The following BTD variants were observed in gnomAD, a reference collection of about 807,000 sequenced individuals.
BTD encodes biocytinase.
Under a neutral mutation model 17.7 loss-of-function variants are expected in BTD, and 13 were observed. That is an observed-to-expected ratio of 0.74 (90% CI 0.48 to 1.17). The LOEUF (loss-of-function observed/expected upper bound fraction) is 1.17. Ranked by LOEUF, BTD falls within the 50% of genes most tolerant of loss-of-function variation. The pLI, the probability that BTD is intolerant of heterozygous loss-of-function variation, is 0.00. For synonymous variants in BTD, 240 were observed against 245.2 expected, an observed-to-expected ratio of 0.98 and a Z score of 0.20; for missense variants, 674 against 650.4, an observed-to-expected ratio of 1.04 and a Z score of -0.39.
intron 3 of BTD, among the ~76,000 whole-genome samples, chr3:15,702,627 C>T (rs984320213): frequency 2.6e-5 from 4 of 152,186 alleles, no homozygotes; most frequent in Admixed American, 2.0e-4. Context: ...TACTCTTACC[C>T]TACCACTCAT....
intron 3 of BTD, among the ~76,000 whole-genome samples, chr3:15,674,196 A>AAAAAAAAAAAAAAAAAAAAAC (rs1470515364): frequency 7.7e-6 from 1 of 130,082 alleles, no homozygotes; most frequent in African/African-American, 3.3e-5. Context: ...AAAAAAAAAA[A>AAAAAAAAAAAAAAAAAAAAAC]AAGAAGAAGA....
At chr3:15,667,948 C>T (rs956981399) in intron 3 of BTD, 1 of 152,172 alleles carries the variant, frequency 6.6e-6, no homozygotes, top group Admixed American at 6.5e-5. Context: ...TTCTGGAAAT[C>T]ACTTCAGCAG....
At chr3:15,714,743 TA>T (rs1275575840), downstream of BTD, 1 of 847,860 alleles carries the variant, frequency 1.2e-6, no homozygotes, top group Non-Finnish European at 1.7e-6. Flanking sequence ...CTTGCATCTT[TA>T]TTTTTATAAC....
chr3:15,685,193 A>G lies in BTD; in HGVS notation c.400-24867A>G, dbSNP rs532856975. The G allele has an allele frequency of 5.7e-5, 92 of 1,603,424 alleles. 3 individuals are homozygous for G. The South Asian group carries it at 9.8e-4, about 17-fold the overall frequency. On this transcript the variant is annotated intron_variant, in intron 3 of 3. Coordinates refer to the BTD transcript ENST00000672141. ...TCATTCTTTTATCTCTGTTCACTAC[A>G]CAATGATATGCATTTGTGTTTGTAT...
chr3:15,676,212 T>C (rs1284675280), intron 3 of BTD: 3 of 400,088 alleles, frequency 7.5e-6, no homozygotes, highest in African/African-American at 4.1e-5. Context: ...AGCTCAGCCA[T>C]AGGTCCCATC....
intron 1 of BTD, among the ~76,000 whole-genome samples, chr3:15,633,586 C>T (rs1181063296): frequency 6.6e-6 from 1 of 152,222 alleles, no homozygotes; most frequent in East Asian, 1.9e-4. Context: ...TGGTACCCAG[C>T]TCTCAGTTGA....
intron 3 of BTD, chr3:15,677,483 G>C: frequency 6.2e-7 from 1 of 1,608,558 alleles, no homozygotes; most frequent in Middle Eastern, 1.7e-4. Context: ...TACATACCTT[G>C]CTACAAGCCA....
chr3:15,663,142 C>T (rs370198372), intron 3 of BTD, among the ~76,000 whole-genome samples: 16 of 152,040 alleles, frequency 1.1e-4, no homozygotes, highest in East Asian at 5.8e-4. Flanking sequence ...GGATTATAGG[C>T]ATGCGCCGCC....
chr3:15,628,827 T>G (rs899450948), intron 1 of BTD, among the ~76,000 whole-genome samples: 7 of 152,234 alleles, frequency 4.6e-5, no homozygotes, highest in African/African-American at 1.7e-4. Flanking sequence ...CAAATATGCA[T>G]TTAAAAATAA....
chr3:15,664,996 C>T (rs1379963603), intron 3 of BTD, among the ~76,000 whole-genome samples: 1 of 152,068 alleles, frequency 6.6e-6, no homozygotes, highest in African/African-American at 2.4e-5. Flanking sequence ...CACATGTTCC[C>T]TTGATCATAA....
intron 3 of BTD, among the ~76,000 whole-genome samples, chr3:15,675,528 A>G (rs773601997): frequency 2.0e-5 from 3 of 152,232 alleles, no homozygotes; most frequent in Non-Finnish European, 2.9e-5. Flanking sequence ...TGAAGTAGGC[A>G]AAAGGGGACA....
At chr3:15,622,331 T>C (rs2064971017) in intron 1 of BTD, among the ~76,000 whole-genome samples, 1 of 152,244 alleles carries the variant, frequency 6.6e-6, no homozygotes, top group African/African-American at 2.4e-5. Flanking sequence ...AACTGTGCAG[T>C]TTTATTTCCA....
At chr3:15,665,900 G>C (rs1256464795) in intron 3 of BTD, among the ~76,000 whole-genome samples, 2 of 152,202 alleles carry the variant, frequency 1.3e-5, no homozygotes, top group African/African-American at 4.8e-5. Context: ...ACTCACAGCA[G>C]GTAGTAAAGC....
At chr3:15,604,262 T>G (rs1334362495) in intron 1 of BTD, among the ~76,000 whole-genome samples, 1 of 152,234 alleles carries the variant, frequency 6.6e-6, no homozygotes, top group Non-Finnish European at 1.5e-5. Context: ...CAAACCTCAA[T>G]TTTTGACTTC....
chr3:15,675,998 A>G (rs751376985), intron 3 of BTD: 12 of 1,608,328 alleles, frequency 7.5e-6, no homozygotes, highest in Non-Finnish European at 1.0e-5. Flanking sequence ...GTCTAGGGGA[A>G]AAAACATGAT....
chr3:15,601,525 G>T (rs749863808), upstream of BTD: 1 of 1,608,550 alleles, frequency 6.2e-7, no homozygotes, highest in South Asian at 1.1e-5. Flanking sequence ...ATCCAGCAAG[G>T]CAAACGCGAA....
rs559629446 is a variant in BTD, at chr3:15,652,162, A to G, written c.*6674A>G. Among the ~76,000 whole-genome samples, 1 of 152,286 alleles carries G rather than the reference A, an allele frequency of 6.6e-6. No individual in the cohort carries two copies. Among genetic ancestry groups the G allele is most frequent in the African/African-American group, 2.4e-5 (1 of 41,558 alleles). On this transcript the variant is annotated 3_prime_UTR_variant, in exon 4 of 4. Coordinates refer to ENST00000643237, the MANE Select transcript of BTD (RefSeq NM_001370658.1). ...GCCAATATGGTGAAACCCTGTCTCT[A>G]TTGAAAATACAAAAATTAGCCGGCA... is the stretch of plus-strand genomic sequence containing the variant.
At chr3:15,679,020 G>A (rs2067248712) in intron 3 of BTD, among the ~76,000 whole-genome samples, 1 of 152,154 alleles carries the variant, frequency 6.6e-6, no homozygotes, top group Non-Finnish European at 1.5e-5. Flanking sequence ...TGTCACCCAG[G>A]CTGGAATGCA....
At chr3:15,711,068 C>G (rs575732816) in exon 4 of BTD, 1 of 626,138 alleles carries the variant, frequency 1.6e-6, no homozygotes, top group Non-Finnish European at 2.7e-6. Flanking sequence ...ATTCTGCCAC[C>G]CTGGACTTTT....
Sources: allele counts gnomAD v4.1 joint callset (sites outside exome capture counted in the v4.1 genomes callset), GRCh38; gene constraint gnomAD v4.1.1; transcripts MANE v1.5; gene names NCBI Gene and HGNC (gene_info 2026-07-23, HGNC 2026-07-21).